Variants in UMOD observed in about 807,000 individuals in gnomAD.
UMOD encodes the protein uromodulin.
Under a neutral mutation model 66.0 loss-of-function variants are expected in UMOD, and 64 were observed. That is an observed-to-expected ratio of 0.97 (90% CI 0.79 to 1.19). The LOEUF is 1.19. Ranked by LOEUF, UMOD falls within the 50% of genes most tolerant of loss-of-function variation. UMOD has a pLI of 0.00. For missense variants in UMOD, 764 were observed against 850.9 expected (o/e 0.90, Z 1.27); for synonymous variants, 398 against 352.7 (o/e 1.13, Z -1.44).
chr16:20,351,871 A>G (rs1965909515), intron 1 of UMOD, among the ~76,000 whole-genome samples: 1 of 151,846 alleles, frequency 6.6e-6, no homozygotes, highest in African/African-American at 2.4e-5. Context: ...TACAAAAATT[A>G]GCCGGGCATG....
At chr16:20,340,925 C>T (rs559504948) in intron 7 of UMOD, among the ~76,000 whole-genome samples, 166 bp downstream of exon 7, 7 of 148,676 alleles carry the variant, frequency 4.7e-5, no homozygotes, top group South Asian at 2.1e-4. Context: ...ACCCAGGAGG[C>T]GGAGGTTGCA....
At chr16:20,350,308 TC>T (rs1313234578) in intron 2 of UMOD, among the ~76,000 whole-genome samples, 1 of 152,130 alleles carries the variant, frequency 6.6e-6, no homozygotes, top group Non-Finnish European at 1.5e-5. Context: ...GTTTCTGACT[TC>T]CAATAAAGGG....
At chr16:20,345,394 C>CTTT (rs879393522) in intron 5 of UMOD, among the ~76,000 whole-genome samples, 4 of 121,594 alleles carry the variant, frequency 3.3e-5, no homozygotes, top group African/African-American at 1.1e-4. Context: ...CCTTTCTTTT[C>CTTT]TTTTTTTTTC....
At chr16:20,343,268 A>G (rs973841238) in intron 6 of UMOD, among the ~76,000 whole-genome samples, 1 of 151,632 alleles carries the variant, frequency 6.6e-6, no homozygotes, top group Non-Finnish European at 1.5e-5. Flanking sequence ...TTTAAAAAAA[A>G]TAAAATAAAA....
intron 5 of UMOD, among the ~76,000 whole-genome samples, chr16:20,345,186 G>T (rs1567306210): frequency 6.6e-6 from 1 of 151,940 alleles, no homozygotes; most frequent in South Asian, 2.1e-4. Flanking sequence ...GCAAATTTTT[G>T]TATTTTTAGT....
chr16:20,335,563 A>C, intron 9 of UMOD, 43 bp from the exon 10 acceptor site: 1 of 1,596,494 alleles, frequency 6.3e-7, no homozygotes, highest in Non-Finnish European at 8.6e-7. Flanking sequence ...AGAATGCATG[A>C]GATTTGGCAA....
upstream of UMOD, chr16:20,352,912 A>G (rs1387021660): frequency 2.4e-6 from 1 of 419,560 alleles, no homozygotes; most frequent in East Asian, 3.6e-5. Context: ...ACCCCAAATG[A>G]TTGACATTGG....
intron 9 of UMOD, 100 bp from the exon 10 acceptor site, chr16:20,335,620 G>T: frequency 8.1e-7 from 1 of 1,237,018 alleles, no homozygotes; most frequent in Non-Finnish European, 1.2e-6. Flanking sequence ...TTCGCAGCCA[G>T]ACTGATCTCT....
rs769806862 is a variant in UMOD at position 20,350,661 on chromosome 16, G to C, written c.77C>G (p.Thr26Ser). The stretch of plus-strand genomic sequence containing the variant: ...CACTTTTCACTTACTTGCTTCTGAG[G>C]TGTCAGTGGCTGCAGTTGTGATGAA... ...SWFITTAATD[T>S]SEARWCSECH... The change falls in exon 2 of 11, where the codon ACC becomes AGC. Residue 26 changes from threonine to serine, a missense_variant. Coordinates refer to ENST00000396138, the MANE Select transcript of UMOD (RefSeq NM_003361.4). 7.4e-6 allele frequency: 12 copies of C among 1,614,036 alleles called. No individual in the cohort carries two copies. The East Asian group carries it at 2.5e-4, about 33-fold the overall frequency.
upstream of UMOD, among the ~76,000 whole-genome samples, chr16:20,353,805 G>A (rs1042986168): frequency 1.3e-5 from 2 of 151,694 alleles, no homozygotes; most frequent in African/African-American, 2.4e-5. Flanking sequence ...AGTGCACAAC[G>A]TGCAGGTTTG....
At chr16:20,354,930 G>A (rs376355492), upstream of UMOD, among the ~76,000 whole-genome samples, 2 of 152,232 alleles carry the variant, frequency 1.3e-5, no homozygotes, top group South Asian at 4.2e-4. Flanking sequence ...ACTACTTGCT[G>A]CTTTAGATCA....
intron 5 of UMOD, among the ~76,000 whole-genome samples, chr16:20,344,870 G>A (rs1162291931): frequency 6.6e-6 from 1 of 152,178 alleles, no homozygotes; most frequent in African/African-American, 2.4e-5. Flanking sequence ...GTCACTGAGG[G>A]ATTGCCCACA....
intron 4 of UMOD, 44 bp downstream of exon 4, chr16:20,348,179 G>C: frequency 1.3e-6 from 2 of 1,557,172 alleles, no homozygotes; most frequent in Non-Finnish European, 1.8e-6. Context: ...CCCCCAGGCA[G>C]TGACAGGTTT....
intron 7 of UMOD, among the ~76,000 whole-genome samples, chr16:20,338,402 C>T (rs1359889433): frequency 6.6e-6 from 1 of 152,242 alleles, no homozygotes; most frequent in African/African-American, 2.4e-5. Context: ...AGCTCCCACA[C>T]TCACCCAGAT....
At chr16:20,338,820 T>C (rs1269579543) in intron 7 of UMOD, among the ~76,000 whole-genome samples, 1 of 152,150 alleles carries the variant, frequency 6.6e-6, no homozygotes, top group Non-Finnish European at 1.5e-5. Context: ...AGTGCAATGG[T>C]GTGATCTTGG....
intron 7 of UMOD, among the ~76,000 whole-genome samples, chr16:20,340,403 A>C (rs1047508038): frequency 6.6e-6 from 1 of 151,546 alleles, no homozygotes; most frequent in Admixed American, 6.6e-5. Flanking sequence ...ACGACCAAAA[A>C]AAAAGACATT....
In UMOD at chr16:20,336,567, G is replaced by C. The variant is rs1476744157; in HGVS notation, c.1822+79C>G. 2.9e-6 allele frequency: 4 copies of C among 1,386,604 alleles called. No individual in the cohort carries two copies. In the African/African-American group the frequency reaches 5.7e-5, roughly 20 times the overall value. The allele number at this position is 1,386,604 out of a possible 1,614,324, so 85.9% of individuals were successfully genotyped here. ...CTTCAGAGCTCAGTAAGGTGCCAAG[G>C]TGCCAGGCTCTGTTATCCCTCTTCC... On this transcript the variant is annotated intron_variant, in intron 9 of 10. Transcript: ENST00000396138.
chr16:20,351,940 C>A (rs9922248), intron 1 of UMOD, among the ~76,000 whole-genome samples: 65,515 of 150,386 alleles, frequency 0.44, 17,988 homozygotes, highest in Non-Finnish European at 0.63. Context: ...ATTGCTTGAA[C>A]CTGGGAGGCA....
At chr16:20,350,126 T>C (rs1401481752) in intron 2 of UMOD, among the ~76,000 whole-genome samples, 1 of 152,146 alleles carries the variant, frequency 6.6e-6, no homozygotes, top group African/African-American at 2.4e-5. Context: ...ACAAAATATG[T>C]GCTTTTAACC....
Sources: allele counts gnomAD v4.1 joint callset (sites outside exome capture counted in the v4.1 genomes callset), GRCh38; gene constraint gnomAD v4.1.1; transcripts MANE v1.5; gene names NCBI Gene and HGNC (gene_info 2026-07-23, HGNC 2026-07-21).